Variants in BCL2L13 observed in about 807,000 individuals in gnomAD.
BCL2L13 encodes the protein BCL2 like 13, also known as bcl-2-like protein 13.
Under a neutral mutation model 25.8 loss-of-function variants are expected in BCL2L13, and 13 were observed. That is an observed-to-expected ratio of 0.50 (90% CI 0.33 to 0.80). BCL2L13 has a LOEUF of 0.80. BCL2L13 is among the 30% of genes least tolerant of loss of function. The pLI, the probability that BCL2L13 is intolerant of heterozygous loss-of-function variation, is 0.02. For missense variants in BCL2L13, 504 were observed against 574.9 expected, an observed-to-expected ratio of 0.88 and a Z score of 1.26; for synonymous variants, 244 against 230.3, an observed-to-expected ratio of 1.06 and a Z score of -0.54.
Position 17,689,108 on chromosome 22 carries a change from C to T in BCL2L13, c.352C>T (p.Pro118Ser), listed in dbSNP as rs868058404. Reference protein sequence around the residue: ...GEKVSQELKEPLHKALQMLLS... With the variant: ...GEKVSQELKESLHKALQMLLS... ...AAAAGTGTCCCAGGAACTGAAAGAG[C>T]CTCTCCATAAAGCATTGCAAATGCT... is the stretch of plus-strand genomic sequence containing the variant. Residue 118 changes from proline (P) to serine (S), a missense_variant, in exon 4 of 7, where the codon CCT (proline) becomes TCT (serine). Physicochemically the swap from Pro to Ser is moderately conservative, Grantham distance 74. Coordinates refer to ENST00000317582, the MANE Select transcript of BCL2L13 (RefSeq NM_015367.4). 1.2e-6 allele frequency: 2 copies of T among 1,614,006 alleles called. No individual in the cohort carries two copies. The highest frequency in any genetic ancestry group is 1.7e-5 in the Admixed American group (1 of 59,992).
intron 1 of BCL2L13, among the ~76,000 whole-genome samples, chr22:17,629,584 T>C (rs570686074): frequency 8.5e-5 from 13 of 152,326 alleles, no homozygotes; most frequent in African/African-American, 2.9e-4. Flanking sequence ...CAAAAACTTT[T>C]GAAAATTCCT....
chr22:17,685,374 C>T (rs1568971812), intron 3 of BCL2L13, among the ~76,000 whole-genome samples: 1 of 151,886 alleles, frequency 6.6e-6, no homozygotes, highest in East Asian at 1.9e-4. Flanking sequence ...TACAGGTACC[C>T]ACCACCACGC....
At chr22:17,675,727 A>T (rs931075504) in intron 2 of BCL2L13, among the ~76,000 whole-genome samples, 2 of 152,222 alleles carry the variant, frequency 1.3e-5, no homozygotes, top group Non-Finnish European at 2.9e-5. Context: ...AGGTTGCAGA[A>T]CATCTGGTAT....
At chr22:17,634,591 CTCATCAT>C (rs1170084278), upstream of BCL2L13, among the ~76,000 whole-genome samples, 6 of 152,286 alleles carry the variant, frequency 3.9e-5, no homozygotes, top group East Asian at 1.2e-3. Flanking sequence ...GTCTGATGTA[CTCATCAT>C]TGCTTTTGCT....
chr22:17,662,362 C>CA (rs2059098702), intron 2 of BCL2L13, among the ~76,000 whole-genome samples: 1 of 152,138 alleles, frequency 6.6e-6, no homozygotes, highest in Non-Finnish European at 1.5e-5. Context: ...CCTGTAGTCC[C>CA]AGCTACTTGA....
chr22:17,684,585 T>C (rs921285440), intron 3 of BCL2L13: 2 of 453,928 alleles, frequency 4.4e-6, no homozygotes, highest in African/African-American at 4.0e-5. Context: ...TGTTTTGAGA[T>C]GCAGTTTCGC....
At chr22:17,647,432 C>CT (rs970588911) in intron 1 of BCL2L13, among the ~76,000 whole-genome samples, 3 of 151,904 alleles carry the variant, frequency 2.0e-5, no homozygotes, top group African/African-American at 2.4e-5. Flanking sequence ...TCCAATCTAG[C>CT]TTTTTTTTCC....
chr22:17,662,612 A>G (rs910062603), intron 2 of BCL2L13, among the ~76,000 whole-genome samples: 11 of 152,162 alleles, frequency 7.2e-5, no homozygotes, highest in African/African-American at 2.7e-4. Flanking sequence ...ACTTGAGCCC[A>G]GGAATTCGAG....
At chr22:17,672,676 C>T (rs1024780938) in intron 2 of BCL2L13, among the ~76,000 whole-genome samples, 2 of 152,174 alleles carry the variant, frequency 1.3e-5, no homozygotes, top group Non-Finnish European at 2.9e-5. Context: ...CAGACATTTT[C>T]TGGTTTAGGT....
At chr22:17,693,520 C>T (rs1427952184) in intron 4 of BCL2L13, among the ~76,000 whole-genome samples, 2 of 151,332 alleles carry the variant, frequency 1.3e-5, no homozygotes, top group Non-Finnish European at 2.9e-5. Context: ...GCTGGGATTA[C>T]AGGCATGCGC....
intron 6 of BCL2L13, among the ~76,000 whole-genome samples, chr22:17,709,062 C>T (rs12168847): frequency 0.019 from 2,871 of 151,810 alleles, 81 homozygotes; most frequent in African/African-American, 0.066. Context: ...GGTGAAACCC[C>T]GTCTCTACTA....
At chr22:17,701,395 A>G (rs558129718) in intron 5 of BCL2L13, among the ~76,000 whole-genome samples, 2 of 152,214 alleles carry the variant, frequency 1.3e-5, no homozygotes, top group East Asian at 3.9e-4. Context: ...ACTATTACCA[A>G]TTTCTTGCGT....
chr22:17,682,656 A>G (rs1601640228), intron 2 of BCL2L13, among the ~76,000 whole-genome samples: 1 of 152,266 alleles, frequency 6.6e-6, no homozygotes, highest in East Asian at 1.9e-4. Flanking sequence ...GATTCAGCTC[A>G]ATTTCCCTGT....
chr22:17,636,261 T>G (rs954894019), upstream of BCL2L13, among the ~76,000 whole-genome samples: 1 of 150,826 alleles, frequency 6.6e-6, no homozygotes, highest in African/African-American at 2.4e-5. Flanking sequence ...GAGGCTGAGG[T>G]TGCAGTGAGC....
At chr22:17,668,173 G>T (rs1317979407) in intron 2 of BCL2L13, among the ~76,000 whole-genome samples, 1 of 150,740 alleles carries the variant, frequency 6.6e-6, no homozygotes, top group Non-Finnish European at 1.5e-5. Context: ...ACGATGCCAG[G>T]CTAATTTTTT....
At chr22:17,706,740 C>T (rs1555892954) in intron 6 of BCL2L13, 1 of 1,352,032 alleles carries the variant, frequency 7.4e-7, no homozygotes, top group South Asian at 1.1e-5. Context: ...CTCCCTCCCT[C>T]CTCATTCTCT....
rs181035566 is a variant in BCL2L13 at position 17,680,106 on chromosome 22, C to T, written c.122-3108C>T. On this transcript the variant is annotated intron_variant, in intron 2 of 6. Coordinates refer to ENST00000317582, the MANE Select transcript of BCL2L13 (RefSeq NM_015367.4). ...GCAGGCACTTGTAATTCCAGCTACT[C>T]GGGAGGGTGAGGCAGGAGAATTGCT... Among the ~76,000 whole-genome samples the T allele has an allele frequency of 5.0e-3, 745 of 150,144 alleles. 6 individuals carry two copies. The highest frequency in any genetic ancestry group is 0.016 in the African/African-American group (671 of 40,862).
At chr22:17,674,748 C>G (rs1486713021) in intron 2 of BCL2L13, among the ~76,000 whole-genome samples, 1 of 152,106 alleles carries the variant, frequency 6.6e-6, no homozygotes, top group African/African-American at 2.4e-5. Context: ...CTAGGCCTCC[C>G]AAGTAGCTGG....
intron 2 of BCL2L13, among the ~76,000 whole-genome samples, chr22:17,667,423 G>A (rs2059266663): frequency 6.6e-6 from 1 of 151,818 alleles, no homozygotes; most frequent in African/African-American, 2.4e-5. Flanking sequence ...TGCCCGCCTT[G>A]GCCTCCCAAA....
Sources: gnomAD v4.1 joint callset for allele counts (sites outside exome capture counted in the v4.1 genomes callset) on GRCh38, gnomAD v4.1.1 for gene constraint, MANE v1.5 for transcripts, NCBI Gene and HGNC (gene_info 2026-07-23, HGNC 2026-07-21) for gene names.